TACC2: variants seen among roughly 807,000 people sequenced by gnomAD.
The protein encoded by TACC2 is transforming acidic coiled-coil-containing protein 2.
Under a neutral mutation model 227.3 loss-of-function variants are expected in TACC2, and 137 were observed. That is an observed-to-expected ratio of 0.60 (90% CI 0.52 to 0.69). The LOEUF (loss-of-function observed/expected upper bound fraction) is 0.69. TACC2 is among the 30% of genes least tolerant of loss of function. TACC2 has a pLI of 0.00. For missense variants in TACC2, 3,470 were observed against 3,694.4 expected (o/e 0.94, Z 1.57); for synonymous variants, 1,523 against 1,487.5 (o/e 1.02, Z -0.55).
intron 2 of TACC2, among the ~76,000 whole-genome samples, chr10:122,045,468 T>C (rs958336561): frequency 1.3e-5 from 2 of 152,224 alleles, no homozygotes; most frequent in African/African-American, 2.4e-5. Flanking sequence ...TATTCTTAGC[T>C]ATAACATCGG....
intron 2 of TACC2, among the ~76,000 whole-genome samples, chr10:122,032,068 C>T (rs1959050823): frequency 6.6e-6 from 1 of 152,138 alleles, no homozygotes; most frequent in Non-Finnish European, 1.5e-5. Flanking sequence ...CATGTACCCT[C>T]TCTGAAGTCA....
intron 2 of TACC2, among the ~76,000 whole-genome samples, chr10:122,037,453 G>A (rs1960777466): frequency 6.6e-6 from 1 of 152,216 alleles, no homozygotes; most frequent in Admixed American, 6.5e-5. Context: ...AGCAGCTGAC[G>A]GTGAACTTGT....
chr10:122,231,577 A>G (rs2095749933), intron 16 of TACC2, among the ~76,000 whole-genome samples: 1 of 152,194 alleles, frequency 6.6e-6, no homozygotes, highest in South Asian at 2.1e-4. Flanking sequence ...TGCTCCCAGC[A>G]TCTCTCCTCG....
At chr10:122,165,178 G>A (rs993925236) in intron 7 of TACC2, among the ~76,000 whole-genome samples, 2 of 152,316 alleles carry the variant, frequency 1.3e-5, no homozygotes, top group Middle Eastern at 6.8e-3. Flanking sequence ...CTTTTTAAAT[G>A]TTATGATCCT....
At chr10:122,006,443 A>T (rs12260646) in intron 1 of TACC2, among the ~76,000 whole-genome samples, 5 of 151,200 alleles carry the variant, frequency 3.3e-5, no homozygotes, top group African/African-American at 4.9e-5. Context: ...AGTGAGACTC[A>T]GTCTCAAAAA....
intron 22 of TACC2, among the ~76,000 whole-genome samples, chr10:122,250,720 G>A (rs535143969): frequency 3.2e-4 from 48 of 152,170 alleles, no homozygotes; most frequent in African/African-American, 1.1e-3. Context: ...CATGGCCCTG[G>A]GCAAGCCTCG....
intron 5 of TACC2, chr10:122,126,907 A>C (rs2086986468): frequency 6.6e-6 from 1 of 152,014 alleles, no homozygotes; most frequent in African/African-American, 2.4e-5. Context: ...TGAAATCCTA[A>C]CCCCTAAGGT....
intron 2 of TACC2, among the ~76,000 whole-genome samples, chr10:122,041,629 T>G (rs1396691515): frequency 6.6e-6 from 1 of 152,098 alleles, no homozygotes; most frequent in African/African-American, 2.4e-5. Context: ...TGTATTTTAG[T>G]GGAGACAGGG....
At chr10:122,129,317 C>T (rs984262792) in intron 5 of TACC2, among the ~76,000 whole-genome samples, 1 of 152,106 alleles carries the variant, frequency 6.6e-6, no homozygotes, top group African/African-American at 2.4e-5. Context: ...CTCGGCCTCC[C>T]AAGGTGCTGG....
rs1432477123 is a variant in TACC2, at chr10:122,087,828, G to A, written c.5328G>A (p.Lys1776=). The part of the protein sequence containing the change: ...GDSPARPQQA[K]EQPGPERPIP... ...GCCCAGCCAGGCCCCAGCAGGCTAA[G>A]GAGCAGCCAGGGCCTGAGCGCCCCA... The change falls in exon 4 of 23, where the codon AAG becomes AAA. Residue 1776 remains lysine, a synonymous_variant. Coordinates refer to ENST00000369005, the MANE Select transcript of TACC2 (RefSeq NM_206862.4). The A allele has an allele frequency of 1.3e-6, 2 of 1,557,982 alleles. No individual in the cohort carries two copies. The highest frequency in any genetic ancestry group is 2.5e-5 in the South Asian group (2 of 80,910).
chr10:122,034,099 C>G (rs976157651), intron 2 of TACC2, among the ~76,000 whole-genome samples: 4 of 146,122 alleles, frequency 2.7e-5, no homozygotes, highest in African/African-American at 1.0e-4. Context: ...TTGCAGTGAG[C>G]CGAGACTGTG....
chr10:122,049,846 A>G (rs1019168797), intron 2 of TACC2, among the ~76,000 whole-genome samples: 3 of 152,078 alleles, frequency 2.0e-5, no homozygotes, highest in Non-Finnish European at 4.4e-5. Flanking sequence ...TATGGTTTAT[A>G]AAAACAACAA....
chr10:122,215,476 G>A, intron 10 of TACC2, 25 bp downstream of exon 10: 2 of 1,604,198 alleles, frequency 1.2e-6, no homozygotes, highest in South Asian at 2.2e-5. Context: ...TGATCTTGAT[G>A]GTTTTATGCC....
At chr10:122,132,560 C>G (rs1296589134) in intron 5 of TACC2, 49 bp from the exon 6 acceptor site, 1 of 1,610,268 alleles carries the variant, frequency 6.2e-7, no homozygotes, top group Non-Finnish European at 8.5e-7. Flanking sequence ...AAAACAAAAA[C>G]TTGTAGGAAT....
intron 2 of TACC2, among the ~76,000 whole-genome samples, chr10:122,047,527 G>C (rs538989875): frequency 1.3e-5 from 2 of 152,098 alleles, no homozygotes; most frequent in Admixed American, 1.3e-4. Context: ...GCCCCCTCTC[G>C]TGTGAGGAAC....
At chr10:122,045,457 GTATTCTTAGC>G (rs1432541271) in intron 2 of TACC2, among the ~76,000 whole-genome samples, 1 of 152,214 alleles carries the variant, frequency 6.6e-6, no homozygotes, top group African/African-American at 2.4e-5. Context: ...TCTGTGCCCA[GTATTCTTAGC>G]TATAACATCG....
intron 1 of TACC2, among the ~76,000 whole-genome samples, chr10:122,018,385 A>C (rs1956951067): frequency 6.6e-6 from 1 of 152,224 alleles, no homozygotes; most frequent in Non-Finnish European, 1.5e-5. Flanking sequence ...ACACTTGTAA[A>C]ACTTCGGGTG....
At chr10:122,124,382 C>T (rs890270481) in intron 5 of TACC2, among the ~76,000 whole-genome samples, 1 of 152,226 alleles carries the variant, frequency 6.6e-6, no homozygotes, top group African/African-American at 2.4e-5. Context: ...TTCGGCTCCA[C>T]TGCCTGCATT....
intron 7 of TACC2, among the ~76,000 whole-genome samples, chr10:122,181,861 T>C (rs2093980987): frequency 6.6e-6 from 1 of 151,112 alleles, no homozygotes; most frequent in South Asian, 2.1e-4. Flanking sequence ...AGTGTGCTGT[T>C]TACCAGCTAT....
Sources: gnomAD v4.1 joint callset for allele counts (sites outside exome capture counted in the v4.1 genomes callset) on GRCh38, gnomAD v4.1.1 for gene constraint, MANE v1.5 for transcripts, NCBI Gene and HGNC (gene_info 2026-07-23, HGNC 2026-07-21) for gene names.